The following PLXNA4 variants were observed in gnomAD, a reference collection of about 807,000 sequenced individuals.
PLXNA4 encodes the protein plexin A4.
Under a neutral mutation model 191.8 loss-of-function variants are expected in PLXNA4, and 44 were observed. The observed-to-expected ratio is 0.23, with a 90% confidence interval of 0.18 to 0.29. The LOEUF is 0.29. Among genes scored for constraint, PLXNA4 ranks in the 10% least tolerant of loss-of-function variants. PLXNA4 has a pLI of 1.00. For synonymous variants in PLXNA4, 1,082 were observed against 1,009.5 expected (o/e 1.07, Z -1.36); for missense variants, 1,800 against 2,488.8 (o/e 0.72, Z 5.89).
intron 1 of PLXNA4, among the ~76,000 whole-genome samples, chr7:132,512,766 A>C (rs951011568): frequency 6.6e-6 from 1 of 152,192 alleles, no homozygotes; most frequent in Non-Finnish European, 1.5e-5. Context: ...AAGAGTTTCC[A>C]GGGGGGTTTC....
Position 132,181,492 on chromosome 7 carries a change from G to A in PLXNA4, c.3381C>T (p.Ser1127=). ...EFGFILDNVQ[S]LLILNKTNFT... ...AGTTGGTCTTGTTGAGGATGAGCAG[G>A]GACTGGACGTTGTCCAGGATGAAGC... Residue 1127 remains serine (S), a synonymous_variant, in exon 18 of 32, where the codon TCC becomes TCT. Coordinates refer to ENST00000321063, the MANE Select transcript of PLXNA4 (RefSeq NM_020911.2). 1 of 1,614,138 alleles carries A rather than the reference G, an allele frequency of 6.2e-7. No individual in the cohort carries two copies. The highest frequency in any genetic ancestry group is 8.5e-7 in the Non-Finnish European group (1 of 1,180,030).
chr7:132,328,322 G>A (rs993663797), intron 3 of PLXNA4, among the ~76,000 whole-genome samples: 1 of 152,130 alleles, frequency 6.6e-6, no homozygotes, highest in Non-Finnish European at 1.5e-5. Flanking sequence ...CTGCATTTCT[G>A]ATCTTCTCGG....
intron 3 of PLXNA4, among the ~76,000 whole-genome samples, chr7:132,432,973 A>G (rs958536353): frequency 3.3e-5 from 5 of 152,124 alleles, no homozygotes; most frequent in Non-Finnish European, 5.9e-5. Context: ...CCACCCCACC[A>G]TTGTAAGTGT....
intron 1 of PLXNA4, among the ~76,000 whole-genome samples, chr7:132,562,629 C>T (rs1801265970): frequency 8.1e-6 from 1 of 123,822 alleles, no homozygotes. Context: ...CTTCCTCCTC[C>T]TTCTCCTCCT....
chr7:132,360,805 C>T (rs1803907105), intron 3 of PLXNA4, among the ~76,000 whole-genome samples: 1 of 152,118 alleles, frequency 6.6e-6, no homozygotes, highest in Admixed American at 6.5e-5. Flanking sequence ...CCCAGTCCTG[C>T]ACAGCACCCT....
chr7:132,522,321 G>C (rs1188754590), intron 1 of PLXNA4, among the ~76,000 whole-genome samples: 2 of 152,208 alleles, frequency 1.3e-5, no homozygotes, highest in Non-Finnish European at 2.9e-5. Flanking sequence ...AGCCACTCAT[G>C]GCTCCAAACA....
chr7:132,130,864 G>A (rs774354613), intron 31 of PLXNA4, among the ~76,000 whole-genome samples: 4 of 152,272 alleles, frequency 2.6e-5, no homozygotes, highest in Middle Eastern at 3.4e-3. Flanking sequence ...GTAGACAGAG[G>A]GCAGAAGCTC....
At chr7:132,326,653 C>A (rs891620671) in intron 3 of PLXNA4, among the ~76,000 whole-genome samples, 4 of 152,222 alleles carry the variant, frequency 2.6e-5, no homozygotes, top group African/African-American at 9.6e-5. Context: ...CCCATGGCAT[C>A]TTGGAGAGGC....
At chr7:132,168,990 CT>C (rs1477370658) in intron 21 of PLXNA4, among the ~76,000 whole-genome samples, 1 of 152,206 alleles carries the variant, frequency 6.6e-6, no homozygotes, top group African/African-American at 2.4e-5. Context: ...GAGCCTGGGA[CT>C]AACCTAATGC....
intron 3 of PLXNA4, among the ~76,000 whole-genome samples, chr7:132,370,831 A>G (rs1804407111): frequency 6.6e-6 from 1 of 152,128 alleles, no homozygotes; most frequent in Non-Finnish European, 1.5e-5. Context: ...GTTAGGCAAA[A>G]CTGTGTTCCT....
intron 4 of PLXNA4, among the ~76,000 whole-genome samples, chr7:132,259,596 C>A (rs1321461597): frequency 6.6e-6 from 1 of 152,008 alleles, no homozygotes; most frequent in Non-Finnish European, 1.5e-5. Flanking sequence ...ACTGGACTCA[C>A]TGAAGCCTTT....
intron 1 of PLXNA4, among the ~76,000 whole-genome samples, chr7:132,518,350 TG>T (rs1257172833): frequency 6.6e-6 from 1 of 152,182 alleles, no homozygotes; most frequent in Non-Finnish European, 1.5e-5. Flanking sequence ...CTGCTGGCTT[TG>T]GGCAGTCTCA....
intron 3 of PLXNA4, among the ~76,000 whole-genome samples, chr7:132,485,896 C>A (rs1262756759): frequency 6.6e-6 from 1 of 152,130 alleles, no homozygotes; most frequent in African/African-American, 2.4e-5. Context: ...TTACGGTCGT[C>A]AAAGACAAGG....
chr7:132,513,572 C>T (rs1482576837), intron 1 of PLXNA4, among the ~76,000 whole-genome samples: 2 of 152,228 alleles, frequency 1.3e-5, no homozygotes, highest in East Asian at 3.8e-4. Flanking sequence ...TAATAGGATT[C>T]TCAGAAAATG....
At chr7:132,174,710 G>T (rs1796401044) in intron 21 of PLXNA4, 68 bp downstream of exon 21, 1 of 1,575,168 alleles carries the variant, frequency 6.3e-7, no homozygotes, top group Admixed American at 1.7e-5. Flanking sequence ...TCCGAAAGAA[G>T]GGGCTGGACT....
chr7:132,159,328 C>CG, intron 25 of PLXNA4, 145 bp downstream of exon 25: 1 of 1,331,484 alleles, frequency 7.5e-7, no homozygotes, highest in Non-Finnish European at 1.0e-6. Context: ...TGGGCTCCTG[C>CG]GGGGGTCCAG....
chr7:132,555,774 A>C (rs1213941419), intron 1 of PLXNA4, among the ~76,000 whole-genome samples: 1 of 152,218 alleles, frequency 6.6e-6, no homozygotes, highest in Non-Finnish European at 1.5e-5. Context: ...ATCCTTACCC[A>C]AGGATGGTTA....
At chr7:132,153,100 G>A (rs1259914974) in intron 25 of PLXNA4, among the ~76,000 whole-genome samples, 1 of 152,228 alleles carries the variant, frequency 6.6e-6, no homozygotes, top group African/African-American at 2.4e-5. Flanking sequence ...GGGCAGGGGT[G>A]AGACAGGGAA....
At chr7:132,160,131 C>T (rs1381706359) in intron 24 of PLXNA4, among the ~76,000 whole-genome samples, 1 of 152,164 alleles carries the variant, frequency 6.6e-6, no homozygotes, top group Non-Finnish European at 1.5e-5. Flanking sequence ...ACACACAGAA[C>T]TAATAGGAAT....
Sources: allele counts gnomAD v4.1 joint callset (sites outside exome capture counted in the v4.1 genomes callset), GRCh38; gene constraint gnomAD v4.1.1; transcripts MANE v1.5; gene names NCBI Gene and HGNC (gene_info 2026-07-23, HGNC 2026-07-21).